BACH1: variants seen among roughly 807,000 people sequenced by gnomAD.
The protein encoded by BACH1 is transcription regulator protein BACH1.
A neutral mutation model predicts 52.9 loss-of-function variants in BACH1; 35 were observed. The ratio of observed to expected loss-of-function variants is 0.66; its 90% confidence interval spans 0.51 to 0.88. The LOEUF is 0.88. Among genes scored for constraint, BACH1 ranks in the 40% least tolerant of loss-of-function variants. The probability of loss-of-function intolerance (pLI) is 0.00; values close to 1 mark genes in which losing one functional copy is unlikely to be tolerated. For synonymous variants in BACH1, 321 were observed against 319.6 expected (o/e 1.00, Z -0.05); for missense variants, 808 against 872.6 (o/e 0.93, Z 0.93).
At chr21:29,358,800 A>AAGAC (rs777833400) in intron 2 of BACH1, among the ~76,000 whole-genome samples, 3,502 of 137,490 alleles carry the variant, frequency 0.025, 73 homozygotes, top group Middle Eastern at 0.045. Flanking sequence ...GAAAGAAAGA[A>AAGAC]AGAAAGAAAG....
rs1449609627 is a variant in BACH1 at position 29,329,237 on chromosome 21, G to C, written c.1570-250G>C. On this transcript the variant is annotated intron_variant, in intron 3 of 4. Transcript: ENST00000286800. ...GTGAGAGGATCGCTTGAGCCTAGGA[G>C]GTTGAGGCTGCAGTAAGCCATGATT... Among the ~76,000 whole-genome samples the C allele has an allele frequency of 4.6e-5, 7 of 152,278 alleles. No homozygotes were observed. In the South Asian group the frequency reaches 8.3e-4, roughly 18 times the overall value.
chr21:29,306,446 C>T (rs2088659108), intron 1 of BACH1, among the ~76,000 whole-genome samples: 1 of 151,632 alleles, frequency 6.6e-6, no homozygotes, highest in Non-Finnish European at 1.5e-5. Flanking sequence ...CCTTGTCCCT[C>T]TCTCCTCTCT....
At chr21:29,346,458 T>A (rs549023305), downstream of BACH1, among the ~76,000 whole-genome samples, 97 of 152,340 alleles carry the variant, frequency 6.4e-4, no homozygotes, top group African/African-American at 2.2e-3. Context: ...TCCTATTCAA[T>A]TTCCAACCAG....
intron 3 of BACH1, 71 bp from the exon 4 acceptor site, chr21:29,329,416 C>T: frequency 1.4e-5 from 17 of 1,247,268 alleles, no homozygotes; most frequent in South Asian, 4.0e-5. Context: ...AGATGTATAC[C>T]TTCATCTTCC....
chr21:29,322,500 G>T (rs1296893342), intron 2 of BACH1, among the ~76,000 whole-genome samples: 1 of 152,160 alleles, frequency 6.6e-6, no homozygotes, highest in African/African-American at 2.4e-5. Context: ...TTCTCTTTTG[G>T]GTGGGGATGT....
rs775728200 is a variant in BACH1 at position 29,342,561 on chromosome 21, C to G, written c.1939C>G (p.Pro647Ala). 6.2e-7 allele frequency: 1 copy of G among 1,614,186 alleles called. No individual in the cohort carries two copies. Residue 647 changes from proline to alanine, a missense_variant, in exon 5 of 5, where the codon CCA becomes GCA. Physicochemically the swap from Pro to Ala is conservative, Grantham distance 27 (BLOSUM62 -1). Coordinates refer to ENST00000286800, the MANE Select transcript of BACH1 (RefSeq NM_001186.4). Reference protein sequence around the residue: ...ILAKYSAADCPLSFLISEKDK... With the variant: ...ILAKYSAADCALSFLISEKDK... ...CGCCAAGTACTCAGCTGCAGATTGC[C>G]CACTTTCATTTTTAATTTCTGAAAA... is the stretch of plus-strand genomic sequence containing the variant.
At chr21:29,339,547 G>A (rs1005937907) in intron 4 of BACH1, among the ~76,000 whole-genome samples, 34 of 149,790 alleles carry the variant, frequency 2.3e-4, no homozygotes, top group African/African-American at 6.6e-4. Context: ...TATTGGGTGA[G>A]TTATATTTAT....
chr21:29,306,115 G>A (rs951519819), intron 1 of BACH1, among the ~76,000 whole-genome samples: 2 of 151,958 alleles, frequency 1.3e-5, no homozygotes, highest in Non-Finnish European at 2.9e-5. Flanking sequence ...AAGCTTAGCT[G>A]TGAATAAGAG....
At chr21:29,356,316 G>T (rs1176074427) in intron 2 of BACH1, among the ~76,000 whole-genome samples, 1 of 152,040 alleles carries the variant, frequency 6.6e-6, no homozygotes, top group Non-Finnish European at 1.5e-5. Context: ...GTAAGTTTGG[G>T]GTTTTAATTT....
intron 1 of BACH1, among the ~76,000 whole-genome samples, chr21:29,305,474 C>G (rs2088646108): frequency 6.6e-6 from 1 of 152,004 alleles, no homozygotes; most frequent in Non-Finnish European, 1.5e-5. Context: ...TTGTCTTTTT[C>G]CAGACCCCAG....
chr21:29,300,951 C>G (rs1297686826), intron 1 of BACH1: 1 of 152,198 alleles, frequency 6.6e-6, no homozygotes, highest in Non-Finnish European at 1.5e-5. Flanking sequence ...ACACCACTGC[C>G]TTTACACCTG....
chr21:29,360,310 A>G (rs1269825694), intron 2 of BACH1, among the ~76,000 whole-genome samples: 1 of 152,230 alleles, frequency 6.6e-6, no homozygotes, highest in Non-Finnish European at 1.5e-5. Context: ...GACCTGTCTC[A>G]AATACTTTGG....
At chr21:29,301,933 A>C (rs746468162) in intron 1 of BACH1, among the ~76,000 whole-genome samples, 1 of 152,126 alleles carries the variant, frequency 6.6e-6, no homozygotes, top group East Asian at 1.9e-4. Context: ...AGTATTTACC[A>C]TTCAGTTAAA....
chr21:29,312,451 G>C (rs372664640), intron 1 of BACH1, among the ~76,000 whole-genome samples: 5 of 152,070 alleles, frequency 3.3e-5, no homozygotes, highest in African/African-American at 1.2e-4. Flanking sequence ...AAAGAAATAA[G>C]CATAAAGACG....
At chr21:29,301,313 G>A (rs1423271315) in intron 1 of BACH1, among the ~76,000 whole-genome samples, 2 of 152,120 alleles carry the variant, frequency 1.3e-5, no homozygotes, top group South Asian at 2.1e-4. Context: ...ACTAACAATC[G>A]TGTATTCATA....
chr21:29,310,965 T>G (rs1278370410), intron 1 of BACH1, among the ~76,000 whole-genome samples: 1 of 152,216 alleles, frequency 6.6e-6, no homozygotes, highest in Non-Finnish European at 1.5e-5. Context: ...GAGGATCCAT[T>G]ATTCATCAGT....
At chr21:29,299,314 C>T (rs1389832929) in intron 1 of BACH1, 2 of 151,902 alleles carry the variant, frequency 1.3e-5, no homozygotes, top group African/African-American at 4.8e-5. Context: ...CCAGCCCGGC[C>T]CCTCGCCCGC....
At chr21:29,318,377 C>A (rs1223831552) in intron 1 of BACH1, among the ~76,000 whole-genome samples, 1 of 152,070 alleles carries the variant, frequency 6.6e-6, no homozygotes, top group African/African-American at 2.4e-5. Context: ...GGAGTGAGTC[C>A]CAGATTTCTT....
At chr21:29,336,341 G>T (rs1338571502) in intron 4 of BACH1, among the ~76,000 whole-genome samples, 1 of 152,140 alleles carries the variant, frequency 6.6e-6, no homozygotes, top group Non-Finnish European at 1.5e-5. Flanking sequence ...CACTGGTGTT[G>T]TCCTTTATAT....
Sources: allele counts gnomAD v4.1 joint callset (sites outside exome capture counted in the v4.1 genomes callset), GRCh38; gene constraint gnomAD v4.1.1; transcripts MANE v1.5; gene names NCBI Gene and HGNC (gene_info 2026-07-23, HGNC 2026-07-21).